Variants in SVOP observed in about 807,000 individuals in gnomAD.
SVOP encodes SV2 related protein.
SVOP carries 17 observed loss-of-function variants against 69.1 expected under a neutral mutation model. The ratio of observed to expected loss-of-function variants is 0.25; its 90% confidence interval spans 0.17 to 0.37. The LOEUF is 0.37. Among genes scored for constraint, SVOP ranks in the 10% least tolerant of loss-of-function variants. The pLI is 1.00. For synonymous variants in SVOP, 238 were observed against 238.6 expected (o/e 1.00, Z 0.02); for missense variants, 435 against 597.5 (o/e 0.73, Z 2.84).
At chr12:108,943,047 C>A (rs2039901840) in intron 7 of SVOP, among the ~76,000 whole-genome samples, 1 of 152,012 alleles carries the variant, frequency 6.6e-6, no homozygotes, top group Admixed American at 6.6e-5. Context: ...GTGTGAGCCA[C>A]TGTGCCCGGC....
intron 1 of SVOP, among the ~76,000 whole-genome samples, chr12:108,994,809 G>A (rs990336386): frequency 6.6e-6 from 1 of 152,158 alleles, no homozygotes; most frequent in African/African-American, 2.4e-5. Flanking sequence ...ATTAGGACAG[G>A]GGTGATTAAA....
At chr12:108,970,741 A>C (rs185703698) in intron 5 of SVOP, among the ~76,000 whole-genome samples, 36 of 152,296 alleles carry the variant, frequency 2.4e-4, no homozygotes, top group Non-Finnish European at 4.4e-4. Flanking sequence ...AGAGATTCAC[A>C]CAGTGGCTCA....
chr12:108,948,028 C>A (rs540059568), intron 6 of SVOP, among the ~76,000 whole-genome samples: 1 of 152,254 alleles, frequency 6.6e-6, no homozygotes, highest in African/African-American at 2.4e-5. Flanking sequence ...AGCTGCATCA[C>A]CCCAGAGGTA....
chr12:108,960,026 T>C (rs1364292992), intron 6 of SVOP, among the ~76,000 whole-genome samples: 1 of 152,224 alleles, frequency 6.6e-6, no homozygotes. Context: ...GGAGATCATC[T>C]GGGTAAACCG....
At chr12:108,931,432 C>T (rs1260080730) in intron 11 of SVOP, among the ~76,000 whole-genome samples, 1 of 152,202 alleles carries the variant, frequency 6.6e-6, no homozygotes, top group African/African-American at 2.4e-5. Context: ...TCCAGAGGTT[C>T]CCACCTCCAG....
At chr12:108,941,957 G>A (rs1159827926) in intron 7 of SVOP, among the ~76,000 whole-genome samples, 4 of 152,094 alleles carry the variant, frequency 2.6e-5, no homozygotes, top group Non-Finnish European at 4.4e-5. Flanking sequence ...GAGCCACCAC[G>A]CCCGGCAAGA....
intron 1 of SVOP, among the ~76,000 whole-genome samples, chr12:108,993,400 A>G (rs2040214223): frequency 6.6e-6 from 1 of 151,296 alleles, no homozygotes; most frequent in Non-Finnish European, 1.5e-5. Flanking sequence ...AAAAGAAAAG[A>G]AAATCCTTAG....
intron 1 of SVOP, among the ~76,000 whole-genome samples, chr12:109,002,645 C>T (rs2135622738): frequency 6.6e-6 from 1 of 151,810 alleles, no homozygotes; most frequent in African/African-American, 2.4e-5. Flanking sequence ...ATGATGAGTT[C>T]ATGTCCTTTG....
chr12:108,966,690 C>G (rs929585962), intron 5 of SVOP, among the ~76,000 whole-genome samples: 1 of 152,052 alleles, frequency 6.6e-6, no homozygotes, highest in Non-Finnish European at 1.5e-5. Flanking sequence ...TCTGGTCAGG[C>G]CGGTTTCATG....
chr12:109,013,933 T>C (rs1334843400), intron 1 of SVOP, among the ~76,000 whole-genome samples: 1 of 152,110 alleles, frequency 6.6e-6, no homozygotes, highest in Non-Finnish European at 1.5e-5. Context: ...AGTGGGATCA[T>C]GCTGTATTTG....
chr12:108,911,212 T>C lies in SVOP; in HGVS notation c.*1323A>G, dbSNP rs896586414. The C allele has an allele frequency of 2.0e-4, 31 of 152,358 alleles. No homozygotes were observed. Among genetic ancestry groups the C allele is most frequent in the African/African-American group, 7.0e-4 (29 of 41,550 alleles). 9.4% of individuals were successfully genotyped at this position (152,358 alleles called of 1,614,324 possible). A position where few individuals can be genotyped will look rare whatever the true frequency, so the allele number is the denominator to read the frequency against. On this transcript the variant is annotated 3_prime_UTR_variant, in exon 16 of 16. Transcript: ENST00000610966. ...TGAATGGAACTCCAGGGGCTGCCTT[T>C]GTGTAATGATCAAGACGTCCCTGGA...
chr12:108,929,483 A>G (rs2039802486), intron 11 of SVOP, among the ~76,000 whole-genome samples: 2 of 151,782 alleles, frequency 1.3e-5, no homozygotes, highest in African/African-American at 4.8e-5. Context: ...AATTTTTTCT[A>G]CATTTTGTAG....
intron 1 of SVOP, among the ~76,000 whole-genome samples, chr12:108,995,118 C>T (rs1215369718): frequency 6.6e-6 from 1 of 151,612 alleles, no homozygotes; most frequent in Non-Finnish European, 1.5e-5. Flanking sequence ...GCATTCCAGC[C>T]TGGGCAACAG....
At chr12:108,997,344 A>G (rs2040240824) in intron 1 of SVOP, among the ~76,000 whole-genome samples, 2 of 151,870 alleles carry the variant, frequency 1.3e-5, no homozygotes, top group Non-Finnish European at 2.9e-5. Flanking sequence ...CTAGCACAGC[A>G]GTCTGAGATC....
intron 6 of SVOP, among the ~76,000 whole-genome samples, chr12:108,945,607 G>A (rs182792812): frequency 1.1e-3 from 160 of 151,884 alleles, no homozygotes; most frequent in African/African-American, 3.7e-3. Context: ...GGCTGGTCTC[G>A]AACTCCTGGC....
intron 11 of SVOP, among the ~76,000 whole-genome samples, chr12:108,932,344 C>T (rs2039825896): frequency 6.6e-6 from 1 of 152,002 alleles, no homozygotes; most frequent in South Asian, 2.1e-4. Context: ...TACATTTTCA[C>T]CTTAAAATAC....
intron 5 of SVOP, among the ~76,000 whole-genome samples, chr12:108,963,575 C>A (rs2040028894): frequency 6.6e-6 from 1 of 152,148 alleles, no homozygotes; most frequent in South Asian, 2.1e-4. Context: ...GCAACCTCCG[C>A]CTCCTGGGTT....
intron 11 of SVOP, among the ~76,000 whole-genome samples, chr12:108,932,142 A>G (rs962055370): frequency 1.3e-5 from 2 of 151,980 alleles, no homozygotes; most frequent in African/African-American, 4.8e-5. Flanking sequence ...CCTCCCAGCT[A>G]GTAGCTAGGA....
At position 108,908,858 on chromosome 12, in the gene SVOP, G is replaced by C. The variant is rs1023430175; in HGVS notation, c.*3677C>G. ...CTGTGGGTATCCCTTGGTGCTCGTA[G>C]GCCCTTCCTTCCAGCCCTACAGCAG... On this transcript the variant is annotated 3_prime_UTR_variant, in exon 16 of 16. Transcript: ENST00000610966. 6.6e-6 allele frequency: 1 copy of C among 152,266 alleles called. No individual in the cohort carries two copies. Among genetic ancestry groups the C allele is most frequent in the Non-Finnish European group, 1.5e-5 (1 of 68,050 alleles). The allele number at this position is 152,266 out of a possible 1,614,324, so 9.4% of individuals were successfully genotyped here.
Sources: gnomAD v4.1 joint callset for allele counts (sites outside exome capture counted in the v4.1 genomes callset) on GRCh38, gnomAD v4.1.1 for gene constraint, MANE v1.5 for transcripts, NCBI Gene and HGNC (gene_info 2026-07-23, HGNC 2026-07-21) for gene names.